The following TMTC3 variants were observed in gnomAD, a reference collection of about 807,000 sequenced individuals.
TMTC3 encodes protein O-mannosyl-transferase TMTC3.
In TMTC3, 52 loss-of-function variants were observed where a neutral mutation model predicts 92.2. The ratio of observed to expected loss-of-function variants is 0.56; its 90% CI spans 0.45 to 0.71. TMTC3 has a LOEUF of 0.71. Among genes scored for constraint, TMTC3 ranks in the 30% least tolerant of loss-of-function variants. TMTC3 has a pLI of 0.00. For missense variants in TMTC3, 896 were observed against 1,057.1 expected (o/e 0.85, Z 2.11); for synonymous variants, 339 against 363.3 (o/e 0.93, Z 0.76).
chr12:88,173,157 C>G, intron 8 of TMTC3: 1 of 1,104,162 alleles, frequency 9.1e-7, no homozygotes, highest in Non-Finnish European at 1.2e-6. Context: ...TTGCTATCAT[C>G]ACTATCTTCA....
At chr12:88,153,157 G>A (rs1384434197) in intron 2 of TMTC3, 134 bp from the exon 3 acceptor site, 30 of 591,078 alleles carry the variant, frequency 5.1e-5, no homozygotes, top group East Asian at 4.6e-4. Flanking sequence ...TTACTCTTAC[G>A]ACATTTCATA....
In TMTC3 at chr12:88,197,604, TAATA is replaced by T. The variant is rs1302129239; in HGVS notation, c.*1959_*1962del. 6.6e-6 allele frequency: 1 copy of T among 152,032 alleles called. No homozygotes were observed. Among genetic ancestry groups the T allele is most frequent in the Non-Finnish European group, 1.5e-5 (1 of 67,884 alleles). 9.4% of individuals were successfully genotyped at this position (152,032 alleles called of 1,614,324 possible). Reference sequence around the variant, plus strand: ...TATAATAGAAGTTTGAGTAATATTTTAATAAATTTATATAATTCAAATGATAAAA... The same window carrying T: ...TATAATAGAAGTTTGAGTAATATTTTAATTTATATAATTCAAATGATAAAA... On this transcript the variant is annotated 3_prime_UTR_variant, in exon 14 of 14. Coordinates refer to ENST00000266712, the MANE Select transcript of TMTC3 (RefSeq NM_181783.4).
intron 2 of TMTC3, among the ~76,000 whole-genome samples, chr12:88,152,206 G>A (rs1334641456): frequency 6.6e-6 from 1 of 152,182 alleles, no homozygotes; most frequent in Non-Finnish European, 1.5e-5. Context: ...TGGCAACAGC[G>A]TCTTCTTGGC....
intron 6 of TMTC3, among the ~76,000 whole-genome samples, chr12:88,162,718 CT>C (rs1386226438): frequency 6.6e-6 from 1 of 151,972 alleles, no homozygotes; most frequent in Admixed American, 6.6e-5. Context: ...TGTGTCATTC[CT>C]TGGTCAGTTT....
intron 8 of TMTC3, chr12:88,173,151 T>A (rs1467503768): frequency 8.9e-7 from 1 of 1,123,546 alleles, no homozygotes; most frequent in African/African-American, 1.6e-5. Flanking sequence ...AATTTCTTGC[T>A]ATCATCACTA....
chr12:88,153,400 A>G lies in TMTC3; in HGVS notation c.299A>G (p.His100Arg). The G allele has an allele frequency of 6.2e-7, 1 of 1,613,444 alleles. No individual in the cohort carries two copies. The highest frequency in any genetic ancestry group is 8.5e-7 in the Non-Finnish European group (1 of 1,179,570). The stretch of plus-strand genomic sequence containing the variant: ...TATCATCTCCTGAATATGATTTTTC[A>G]TGCTGTGGTTAGTGTGATATTTCTC... ...MSYHLLNMIF[H>R]AVVSVIFLKV... Residue 100 changes from histidine to arginine, a missense_variant, in exon 3 of 14, where the codon CAT (histidine) becomes CGT (arginine). Transcript: ENST00000266712.
At chr12:88,194,090 C>A (rs1044725308) in intron 13 of TMTC3, among the ~76,000 whole-genome samples, 2 of 151,978 alleles carry the variant, frequency 1.3e-5, no homozygotes, top group Non-Finnish European at 2.9e-5. Flanking sequence ...GAAATGATGG[C>A]ACATGCCTGT....
chr12:88,183,572 G>A (rs2041342587), intron 10 of TMTC3, among the ~76,000 whole-genome samples: 1 of 152,084 alleles, frequency 6.6e-6, no homozygotes, highest in South Asian at 2.1e-4. Flanking sequence ...GGAGGAGGCG[G>A]TAAGGTAGGT....
chr12:88,188,537 C>T (rs997709927), intron 10 of TMTC3, among the ~76,000 whole-genome samples: 2 of 152,136 alleles, frequency 1.3e-5, no homozygotes, highest in Non-Finnish European at 2.9e-5. Flanking sequence ...CTCAACTCTT[C>T]AAAAATCCAT....
At chr12:88,193,251 A>G (rs2041464117) in intron 13 of TMTC3, among the ~76,000 whole-genome samples, 1 of 152,076 alleles carries the variant, frequency 6.6e-6, no homozygotes, top group South Asian at 2.1e-4. Context: ...CTTTTGATTC[A>G]TAAGAGCAAA....
intron 7 of TMTC3, among the ~76,000 whole-genome samples, chr12:88,166,890 C>CA (rs2041149410): frequency 6.6e-6 from 1 of 151,492 alleles, no homozygotes; most frequent in Admixed American, 6.6e-5. Context: ...ATAAGATATA[C>CA]AACTAGAAAT....
rs749951855 is a variant in TMTC3, at chr12:88,166,349, G to A, written c.817G>A (p.Val273Ile). The A allele has an allele frequency of 1.9e-6, 3 of 1,613,530 alleles. No individual in the cohort carries two copies. Among genetic ancestry groups the A allele is most frequent in the South Asian group, 1.1e-5 (1 of 91,038 alleles). ...ATACAGGTTTGATAACCCAGCTGCTGTAAGCCCAACTCCTACAAGGCAACT... is the reference window on the plus strand; with the variant it reads ...ATACAGGTTTGATAACCCAGCTGCTATAAGCCCAACTCCTACAAGGCAACT... ...VFTRFDNPAA[V>I]SPTPTRQLTF... The change falls in exon 7 of 14, where the codon GTA becomes ATA. Residue 273 changes from valine (V) to isoleucine (I), a missense_variant. By Grantham distance (29) the Val-to-Ile change is conservative (BLOSUM62 3). Coordinates refer to ENST00000266712, the MANE Select transcript of TMTC3 (RefSeq NM_181783.4).
chr12:88,174,922 G>A (rs1449319534), intron 9 of TMTC3, among the ~76,000 whole-genome samples, 195 bp downstream of exon 9: 1 of 152,028 alleles, frequency 6.6e-6, no homozygotes, highest in Non-Finnish European at 1.5e-5. Context: ...TTAGCTATAT[G>A]TCCAAAGCAT....
intron 8 of TMTC3, chr12:88,173,111 T>C (rs572097048): frequency 1.6e-6 from 2 of 1,236,046 alleles, no homozygotes; most frequent in Non-Finnish European, 2.1e-6. Context: ...TGAGTTAATA[T>C]ATATAAAATG....
intron 1 of TMTC3, among the ~76,000 whole-genome samples, chr12:88,146,080 A>G (rs1371226870): frequency 5.3e-5 from 8 of 152,262 alleles, no homozygotes; most frequent in South Asian, 2.1e-4. Flanking sequence ...CATGTTTGCA[A>G]TAATGGCCCC....
At chr12:88,157,541 C>T (rs1206794628) in intron 4 of TMTC3, among the ~76,000 whole-genome samples, 2 of 151,748 alleles carry the variant, frequency 1.3e-5, no homozygotes, top group African/African-American at 4.8e-5. Flanking sequence ...TTTTTATTTC[C>T]CTTCATCCTC....
intron 10 of TMTC3, among the ~76,000 whole-genome samples, chr12:88,183,256 A>G (rs2041338237): frequency 6.6e-6 from 1 of 152,202 alleles, no homozygotes; most frequent in African/African-American, 2.4e-5. Context: ...CCATTATTAG[A>G]AAGAGGTCTG....
chr12:88,174,685 G>A lies in TMTC3; in HGVS notation c.1278G>A (p.Trp426Ter), dbSNP rs766645581. The change falls in exon 9 of 14, where the codon TGG becomes TGA. Residue 426 changes from tryptophan to a stop codon, truncating the protein, a stop_gained. Coordinates refer to ENST00000266712, the MANE Select transcript of TMTC3 (RefSeq NM_181783.4). LOFTEE classifies it high-confidence loss of function. Reference protein sequence around the residue: ...THSLKTFHRNWDWESEYTLFM... With the variant: ...THSLKTFHRN ...CCTTAAAAACATTCCACAGAAATTG[G>A]GATTGGGAGTCTGAATATACATTGT... is the stretch of plus-strand genomic sequence containing the variant. 41 of 1,612,282 alleles carry A rather than the reference G, an allele frequency of 2.5e-5. No individual in the cohort carries two copies. The highest frequency in any genetic ancestry group is 3.5e-5 in the Non-Finnish European group (41 of 1,179,012).
chr12:88,156,108 CAAAA>C (rs886887881), intron 4 of TMTC3, among the ~76,000 whole-genome samples: 21 of 150,324 alleles, frequency 1.4e-4, no homozygotes, highest in African/African-American at 5.1e-4. Context: ...CATCTCAAAA[CAAAA>C]AAAAAGAATT....
Sources: gnomAD v4.1 joint callset for allele counts (sites outside exome capture counted in the v4.1 genomes callset) on GRCh38, gnomAD v4.1.1 for gene constraint, MANE v1.5 for transcripts, NCBI Gene and HGNC (gene_info 2026-07-23, HGNC 2026-07-21) for gene names.